Variants in AUTS2 observed in about 807,000 individuals in gnomAD.
The protein encoded by AUTS2 is activator of transcription and developmental regulator AUTS2.
Under a neutral mutation model 112.4 loss-of-function variants are expected in AUTS2, and 17 were observed. The ratio of observed to expected loss-of-function variants is 0.15; its 90% CI spans 0.10 to 0.23. AUTS2 has a LOEUF of 0.23. Ranked by LOEUF, AUTS2 falls within the 10% of genes least tolerant of loss-of-function variation. The probability of loss-of-function intolerance (pLI) is 1.00; values close to 1 mark genes in which losing one functional copy is unlikely to be tolerated. For missense variants in AUTS2, 1,510 were observed against 1,701.6 expected, an observed-to-expected ratio of 0.89 and a Z score of 1.98; for synonymous variants, 751 against 702.7, an observed-to-expected ratio of 1.07 and a Z score of -1.09.
At chr7:70,029,867 CTTTA>C (rs2129556350) in intron 2 of AUTS2, among the ~76,000 whole-genome samples, 1 of 152,236 alleles carries the variant, frequency 6.6e-6, no homozygotes, top group Admixed American at 6.5e-5. Context: ...TCCAGTAAAA[CTTTA>C]TTTACAAAAA....
intron 1 of AUTS2, among the ~76,000 whole-genome samples, chr7:69,604,149 G>T (rs193089012): frequency 5.6e-4 from 86 of 152,322 alleles, no homozygotes; most frequent in Admixed American, 1.8e-3. Flanking sequence ...ATCAAACCAA[G>T]ACTTTGATGC....
At chr7:69,924,228 G>A (rs1479882472) in intron 2 of AUTS2, among the ~76,000 whole-genome samples, 1 of 151,842 alleles carries the variant, frequency 6.6e-6, no homozygotes. Context: ...TATTAATATA[G>A]TAATACATTG....
intron 1 of AUTS2, among the ~76,000 whole-genome samples, chr7:69,883,545 A>G (rs1794147520): frequency 6.6e-6 from 1 of 152,152 alleles, no homozygotes; most frequent in South Asian, 2.1e-4. Flanking sequence ...TGTTGAAATC[A>G]CCAGAATCTG....
At chr7:69,937,196 T>C (rs969129424) in intron 2 of AUTS2, among the ~76,000 whole-genome samples, 1 of 152,180 alleles carries the variant, frequency 6.6e-6, no homozygotes, top group Non-Finnish European at 1.5e-5. Context: ...ATATGTTATT[T>C]CTCATCTCAG....
intron 1 of AUTS2, among the ~76,000 whole-genome samples, chr7:69,700,813 C>T (rs915112018): frequency 2.6e-5 from 4 of 152,174 alleles, no homozygotes; most frequent in African/African-American, 7.2e-5. Context: ...GGTGGTTTTG[C>T]GTCCTCTCTG....
At chr7:69,774,904 T>C (rs1788826830) in intron 1 of AUTS2, among the ~76,000 whole-genome samples, 2 of 152,180 alleles carry the variant, frequency 1.3e-5, no homozygotes, top group Non-Finnish European at 2.9e-5. Context: ...GAACCTAGGC[T>C]AGTTGAGAAT....
intron 5 of AUTS2, among the ~76,000 whole-genome samples, chr7:70,491,589 T>TATTGTGTG (rs1461767874): frequency 7.2e-6 from 1 of 138,804 alleles, no homozygotes; most frequent in Non-Finnish European, 1.5e-5. Flanking sequence ...TGTATATATA[T>TATTGTGTG]TGTGTGTGTG....
intron 4 of AUTS2, among the ~76,000 whole-genome samples, chr7:70,203,713 G>A: frequency 6.8e-6 from 1 of 146,422 alleles, no homozygotes; most frequent in East Asian, 2.0e-4. Flanking sequence ...ATAGTGAGTG[G>A]CCTCACTAGT....
At chr7:69,650,423 T>C (rs894497617) in intron 1 of AUTS2, among the ~76,000 whole-genome samples, 2 of 152,182 alleles carry the variant, frequency 1.3e-5, no homozygotes, top group African/African-American at 4.8e-5. Context: ...TCCCAGGCCT[T>C]CTGAATTAGA....
At chr7:70,087,728 A>G (rs1803684981) in intron 2 of AUTS2, among the ~76,000 whole-genome samples, 1 of 152,194 alleles carries the variant, frequency 6.6e-6, no homozygotes, top group African/African-American at 2.4e-5. Flanking sequence ...CTGACATTAT[A>G]GAATATATTG....
At chr7:69,624,054 G>A (rs1163242524) in intron 1 of AUTS2, among the ~76,000 whole-genome samples, 1 of 152,166 alleles carries the variant, frequency 6.6e-6, no homozygotes, top group Non-Finnish European at 1.5e-5. Context: ...GTGATGTTAA[G>A]TTTGTGTTGT....
At chr7:70,258,210 A>G (rs1210906700) in intron 4 of AUTS2, among the ~76,000 whole-genome samples, 1 of 152,190 alleles carries the variant, frequency 6.6e-6, no homozygotes. Context: ...TGTCACTGTG[A>G]AATGGTTTGA....
At position 70,763,078 on chromosome 7, in the gene AUTS2, T is replaced by G. The variant is rs1789671034; in HGVS notation, c.951T>G (p.Ala317=). Residue 317 remains alanine (A), a synonymous_variant, in exon 7 of 19, where the codon GCT becomes GCG. Coordinates refer to ENST00000342771, the MANE Select transcript of AUTS2 (RefSeq NM_015570.4). ...PQPQTEPQLR[A]PSPDPDLVQR... ...CGCAGACGGAGCCCCAACTCCGAGC[T>G]CCTTCTCCGGACCCTGACTTGGTGC... The G allele has an allele frequency of 2.5e-6, 4 of 1,614,076 alleles. No individual in the cohort carries two copies. Among genetic ancestry groups the G allele is most frequent in the African/African-American group, 2.7e-5 (2 of 75,008 alleles).
chr7:69,667,728 C>T (rs1297612930), intron 1 of AUTS2, among the ~76,000 whole-genome samples: 2 of 152,166 alleles, frequency 1.3e-5, no homozygotes, highest in Non-Finnish European at 2.9e-5. Flanking sequence ...GTTCTTTTCT[C>T]TATTTTATTA....
intron 1 of AUTS2, among the ~76,000 whole-genome samples, chr7:69,636,782 T>C (rs941386677): frequency 6.6e-6 from 1 of 152,082 alleles, no homozygotes; most frequent in Admixed American, 6.5e-5. Flanking sequence ...ACATTTTTTT[T>C]TGAGACGGAG....
chr7:70,789,027 A>G (rs1791700499), intron 18 of AUTS2, among the ~76,000 whole-genome samples: 1 of 152,114 alleles, frequency 6.6e-6, no homozygotes, highest in Non-Finnish European at 1.5e-5. Context: ...CAATGTCCCC[A>G]TGAGGTTTCG....
chr7:70,395,830 T>A (rs1794057278), intron 4 of AUTS2, among the ~76,000 whole-genome samples: 1 of 152,210 alleles, frequency 6.6e-6, no homozygotes. Flanking sequence ...CTTAACTCTA[T>A]TCAACCTCAG....
At chr7:69,659,325 C>T (rs1795679563) in intron 1 of AUTS2, among the ~76,000 whole-genome samples, 1 of 152,076 alleles carries the variant, frequency 6.6e-6, no homozygotes, top group East Asian at 1.9e-4. Flanking sequence ...TCAGGTCAGA[C>T]CCTTGTTAAA....
At chr7:69,974,301 T>C (rs1797970596) in intron 2 of AUTS2, among the ~76,000 whole-genome samples, 1 of 150,096 alleles carries the variant, frequency 6.7e-6, no homozygotes, top group Admixed American at 6.7e-5. Flanking sequence ...TAATAATGTC[T>C]GTGTCTTTTT....
Sources: gnomAD v4.1 joint callset for allele counts (sites outside exome capture counted in the v4.1 genomes callset) on GRCh38, gnomAD v4.1.1 for gene constraint, MANE v1.5 for transcripts, NCBI Gene and HGNC (gene_info 2026-07-23, HGNC 2026-07-21) for gene names.